Variants in DNAI1 observed in about 807,000 individuals in gnomAD.
The protein encoded by DNAI1 is dynein, axonemal, intermediate polypeptide 1.
A neutral mutation model predicts 92.0 loss-of-function variants in DNAI1; 67 were observed. The ratio of observed to expected loss-of-function variants is 0.73; its 90% CI spans 0.60 to 0.89. DNAI1 has a LOEUF of 0.89. Among genes scored for constraint, DNAI1 ranks in the 40% least tolerant of loss-of-function variants. DNAI1 has a pLI of 0.00. For missense variants in DNAI1, 839 were observed against 866.6 expected, an observed-to-expected ratio of 0.97 and a Z score of 0.40; for synonymous variants, 323 against 319.6, an observed-to-expected ratio of 1.01 and a Z score of -0.11.
chr9:34,501,002 T>C, intron 11 of DNAI1, 136 bp from the exon 12 acceptor site: 1 of 969,810 alleles, frequency 1.0e-6, no homozygotes, highest in Non-Finnish European at 1.7e-6. Flanking sequence ...CCCCCAGGAC[T>C]CCCAAGTGGT....
intron 7 of DNAI1, 25 bp from the exon 8 acceptor site, chr9:34,491,470 G>A: frequency 6.2e-7 from 1 of 1,613,950 alleles, no homozygotes; most frequent in African/African-American, 1.3e-5. Context: ...GCTTTTTGTG[G>A]GTCTCCTGTT....
At position 34,512,330 on chromosome 9, in the gene DNAI1, G is replaced by C; in HGVS notation, c.1402-7G>C. 1 of 1,614,116 alleles carries C rather than the reference G, an allele frequency of 6.2e-7. No homozygotes were observed. ...TCCCCCCCACATCCCTCTGTCTGTG[G>C]CTACAGAGAAAGCTGGTTCACATAG... On this transcript the variant is annotated splice_polypyrimidine_tract_variant and splice_region_variant and intron_variant, in intron 14 of 19. Transcript: ENST00000242317.
At chr9:34,507,699 C>G (rs933779178) in intron 13 of DNAI1, among the ~76,000 whole-genome samples, 12 of 152,220 alleles carry the variant, frequency 7.9e-5, no homozygotes, top group Non-Finnish European at 1.8e-4. Context: ...GGGGCCTTTC[C>G]TCTGCCATCT....
rs1230892242 is a variant in DNAI1, at chr9:34,490,500, C to T, written c.621+12C>T. 6 of 1,613,674 alleles carry T rather than the reference C, an allele frequency of 3.7e-6. No individual in the cohort carries two copies. In the African/African-American group the frequency reaches 8.0e-5, roughly 22 times the overall value. On this transcript the variant is annotated intron_variant, in intron 7 of 19. Transcript: ENST00000242317. Reference sequence around the variant, plus strand: ...ACAACCCTGTCCGGGTAGAGCAGCCCCCACCCTAGCCCCTTTGCAGCTCTT... The same window carrying T: ...ACAACCCTGTCCGGGTAGAGCAGCCTCCACCCTAGCCCCTTTGCAGCTCTT...
chr9:34,495,667 G>A (rs1824707417), intron 9 of DNAI1, among the ~76,000 whole-genome samples: 1 of 152,166 alleles, frequency 6.6e-6, no homozygotes, highest in Admixed American at 6.5e-5. Flanking sequence ...CCTCAAAGGA[G>A]CTCTCACCAA....
chr9:34,487,187 CTT>C (rs966984614), intron 4 of DNAI1, among the ~76,000 whole-genome samples: 1 of 144,536 alleles, frequency 6.9e-6, no homozygotes, highest in Non-Finnish European at 1.5e-5. Flanking sequence ...AGAAATGTTT[CTT>C]TTTTTTTTTT....
At chr9:34,482,948 GTGCTGGTGGGCCAGCAC>G (rs1824396914) in intron 1 of DNAI1, among the ~76,000 whole-genome samples, 1 of 152,244 alleles carries the variant, frequency 6.6e-6, no homozygotes, top group African/African-American at 2.4e-5. Context: ...ATCGAGCGCA[GTGCTGGTGGGCCAGCAC>G]TGCTGGGGGA....
intron 18 of DNAI1, among the ~76,000 whole-genome samples, chr9:34,515,171 A>T (rs533253777): frequency 3.3e-5 from 5 of 152,208 alleles, no homozygotes; most frequent in Admixed American, 3.3e-4. Flanking sequence ...GTGGGGTGGA[A>T]TGGGAGGGGG....
In DNAI1 at chr9:34,483,491, A is replaced by G. The variant is rs1824414748; in HGVS notation, c.81+11A>G. 6.2e-7 allele frequency: 1 copy of G among 1,611,422 alleles called. No homozygotes were observed. The highest frequency in any genetic ancestry group is 1.7e-5 in the Admixed American group (1 of 59,980). ...GGAACCAGGAAGAGAGTAAGTGCTG[A>G]GACTACCATGGTCTCTCAGCAAGAT... On this transcript the variant is annotated intron_variant, in intron 2 of 19. Coordinates refer to ENST00000242317, the MANE Select transcript of DNAI1 (RefSeq NM_012144.4).
At chr9:34,517,134 A>T (rs1825183639) in intron 18 of DNAI1, 151 bp from the exon 19 acceptor site, 3 of 770,252 alleles carry the variant, frequency 3.9e-6, no homozygotes, top group Non-Finnish European at 6.4e-6. Context: ...AAACACAGAG[A>T]CACAAAATTC....
At chr9:34,519,779 G>C (rs938139549) in intron 19 of DNAI1, among the ~76,000 whole-genome samples, 1 of 152,174 alleles carries the variant, frequency 6.6e-6, no homozygotes, top group Non-Finnish European at 1.5e-5. Flanking sequence ...GGCACAGGTG[G>C]CTGAGAGGAT....
chr9:34,506,563 AG>A, intron 12 of DNAI1, 63 bp from the exon 13 acceptor site: 1 of 1,610,172 alleles, frequency 6.2e-7, no homozygotes, highest in Non-Finnish European at 8.5e-7. Flanking sequence ...GGTAGGGGTG[AG>A]GGGGCTTCTC....
chr9:34,496,354 C>T (rs1396820181), intron 9 of DNAI1, among the ~76,000 whole-genome samples: 1 of 152,258 alleles, frequency 6.6e-6, no homozygotes, highest in South Asian at 2.1e-4. Flanking sequence ...GCCCATTCAG[C>T]TGGCTCACTC....
intron 1 of DNAI1, among the ~76,000 whole-genome samples, chr9:34,462,915 C>T (rs1013853942): frequency 6.6e-6 from 1 of 152,148 alleles, no homozygotes; most frequent in Non-Finnish European, 1.5e-5. Flanking sequence ...AACAAAAATC[C>T]CTGCTCTCAT....
intron 19 of DNAI1, among the ~76,000 whole-genome samples, chr9:34,518,252 C>T (rs989723562): frequency 2.0e-5 from 3 of 152,262 alleles, no homozygotes; most frequent in African/African-American, 7.2e-5. Flanking sequence ...GACCATCCCT[C>T]CTGGCAATTT....
intron 14 of DNAI1, 30 bp from the exon 15 acceptor site, chr9:34,512,307 C>A (rs1825081093): frequency 7.4e-6 from 12 of 1,612,756 alleles, no homozygotes; most frequent in Non-Finnish European, 1.0e-5. Flanking sequence ...ACGTGCCCTC[C>A]CCCCCACATC....
Position 34,480,979 on chromosome 9 carries a change from G to A in DNAI1, c.49-2469G>A, listed in dbSNP as rs552718527. 4.6e-5 allele frequency among the ~76,000 whole-genome samples: 7 copies of A among 151,708 alleles called. No individual in the cohort carries two copies. The East Asian group carries it at 1.4e-3, about 30-fold the overall frequency. ...AAATAGGCTGGGCGTGGTGGCTTAC[G>A]CCTGTAATCCCAGCACTTTGGGAAG... On this transcript the variant is annotated intron_variant, in intron 1 of 19. Coordinates refer to ENST00000242317, the MANE Select transcript of DNAI1 (RefSeq NM_012144.4).
chr9:34,491,436 G>A, intron 7 of DNAI1, 59 bp from the exon 8 acceptor site: 2 of 1,580,006 alleles, frequency 1.3e-6, no homozygotes, highest in Non-Finnish European at 1.7e-6. Flanking sequence ...ATATACTGTT[G>A]GATTAAGTGA....
intron 1 of DNAI1, among the ~76,000 whole-genome samples, chr9:34,467,440 TACAC>T (rs3039302): frequency 0.28 from 38,155 of 137,194 alleles, 5,289 homozygotes; most frequent in Middle Eastern, 0.31. Context: ...TCTACACAAA[TACAC>T]ACACACACAC....
Sources: gnomAD v4.1 joint callset for allele counts (sites outside exome capture counted in the v4.1 genomes callset) on GRCh38, gnomAD v4.1.1 for gene constraint, MANE v1.5 for transcripts, NCBI Gene and HGNC (gene_info 2026-07-23, HGNC 2026-07-21) for gene names.